HCK: variants seen among roughly 807,000 people sequenced by gnomAD.
HCK encodes HCK proto-oncogene, Src family tyrosine kinase.
A neutral mutation model predicts 70.4 loss-of-function variants in HCK; 40 were observed. That is an observed-to-expected ratio of 0.57 (90% confidence interval 0.44 to 0.74). HCK has a LOEUF of 0.74. Ranked by LOEUF, HCK falls within the 30% of genes least tolerant of loss-of-function variation. HCK has a pLI of 0.00. For synonymous variants in HCK, 245 were observed against 263.2 expected, an observed-to-expected ratio of 0.93 and a Z score of 0.67; for missense variants, 568 against 697.2, an observed-to-expected ratio of 0.81 and a Z score of 2.09.
chr20:32,062,448 G>T (rs1359780435), intron 1 of HCK, among the ~76,000 whole-genome samples: 2 of 152,178 alleles, frequency 1.3e-5, no homozygotes, highest in Non-Finnish European at 2.9e-5. Flanking sequence ...AACATGCTAT[G>T]AGTTTTATAT....
At chr20:32,058,380 A>AAATT (rs1436993265) in intron 1 of HCK, among the ~76,000 whole-genome samples, 2 of 152,106 alleles carry the variant, frequency 1.3e-5, no homozygotes, top group Non-Finnish European at 2.9e-5. Flanking sequence ...AAAAATGCAA[A>AAATT]AATTAGCCGG....
chr20:32,068,115 G>A (rs538641192), intron 1 of HCK, among the ~76,000 whole-genome samples: 2 of 151,712 alleles, frequency 1.3e-5, no homozygotes, highest in Admixed American at 1.3e-4. Context: ...TGACCAACGT[G>A]GTGAAACCCT....
intron 1 of HCK, among the ~76,000 whole-genome samples, chr20:32,057,139 C>T (rs910151920): frequency 3.5e-4 from 53 of 152,232 alleles, no homozygotes; most frequent in Admixed American, 3.3e-3. Flanking sequence ...TTCAGACAAC[C>T]TCAGTGGAGC....
chr20:32,101,472 G>A lies in HCK; in HGVS notation c.1534G>A (p.Asp512Asn), dbSNP rs2046034207. Residue 512 changes from aspartate to asparagine, a missense_variant, in exon 13 of 13, where the codon GAT becomes AAT. By Grantham distance (23) the Asp-to-Asn change is conservative. Transcript: ENST00000375852. ...CTTCGAATACATCCAGAGTGTGCTGGATGACTTCTACACGGCCACAGAGAG... is the reference window on the plus strand; with the variant it reads ...CTTCGAATACATCCAGAGTGTGCTGAATGACTTCTACACGGCCACAGAGAG... 6.2e-7 allele frequency: 1 copy of A among 1,613,948 alleles called. No homozygotes were observed. Among genetic ancestry groups the A allele is most frequent in the Non-Finnish European group, 8.5e-7 (1 of 1,179,954 alleles).
At chr20:32,060,897 GGAAGAAAGGAAGGAA>G (rs11267532) in intron 1 of HCK, among the ~76,000 whole-genome samples, 82,885 of 151,590 alleles carry the variant, frequency 0.55, 24,916 homozygotes, top group East Asian at 0.71. Flanking sequence ...AGAAAAGGAA[GGAAGAAAGGAAGGAA>G]GAAGAAAGGA....
rs968047363 is a variant in HCK at position 32,052,455 on chromosome 20, G to A, written c.31G>A (p.Gly11Ser). The A allele has an allele frequency of 2.4e-6, 3 of 1,268,598 alleles. No homozygotes were observed. The highest frequency in any genetic ancestry group is 3.0e-6 in the Non-Finnish European group (3 of 998,660). The allele number at this position is 1,268,598 out of a possible 1,614,324, so 78.6% of individuals were successfully genotyped here. A position where few individuals can be genotyped will look rare whatever the true frequency, so the allele number is the denominator to read the frequency against. ...GGGGCGCTCAAGCTGCGAGGATCCG[G>A]GCTGCCCGCGAGACGAGGAGCGGGC... Residue 11 changes from glycine (G) to serine (S), a missense_variant, in exon 1 of 13, where the codon GGC becomes AGC. Physicochemically the swap from Gly to Ser is moderately conservative, Grantham distance 56 (BLOSUM62 0). Transcript: ENST00000375852.
At chr20:32,092,015 A>G (rs1302460766) in intron 10 of HCK, among the ~76,000 whole-genome samples, 1 of 151,874 alleles carries the variant, frequency 6.6e-6, no homozygotes, top group Non-Finnish European at 1.5e-5. Flanking sequence ...AGAAAAAAGC[A>G]AAGCATGGGT....
At chr20:32,061,585 G>A (rs1197389037) in intron 1 of HCK, among the ~76,000 whole-genome samples, 1 of 152,206 alleles carries the variant, frequency 6.6e-6, no homozygotes, top group Non-Finnish European at 1.5e-5. Context: ...ATGGGAGTTG[G>A]GGGGCAGAGG....
At chr20:32,069,698 C>G (rs1272021728) in intron 1 of HCK, 6 of 949,022 alleles carry the variant, frequency 6.3e-6, no homozygotes, top group Non-Finnish European at 8.8e-6. Context: ...ACAAACAAAG[C>G]AAAACCGCTC....
intron 10 of HCK, 139 bp downstream of exon 10, chr20:32,088,783 G>GT (rs2045825297): frequency 1.6e-6 from 1 of 626,088 alleles, no homozygotes; most frequent in Non-Finnish European, 2.8e-6. Flanking sequence ...ATAAAACTAT[G>GT]TTTTTTGCAT....
chr20:32,079,326 A>G (rs1370231650), intron 5 of HCK, among the ~76,000 whole-genome samples: 2 of 152,196 alleles, frequency 1.3e-5, no homozygotes. Context: ...CCCAAGAAGG[A>G]TCTTCCCCGT....
At chr20:32,083,512 C>A (rs1360748995) in intron 6 of HCK, among the ~76,000 whole-genome samples, 2 of 152,136 alleles carry the variant, frequency 1.3e-5, no homozygotes, top group Non-Finnish European at 2.9e-5. Context: ...AACAATAGAT[C>A]AGAAATAATG....
chr20:32,086,114 G>A (rs2045781927), intron 8 of HCK, among the ~76,000 whole-genome samples: 1 of 152,188 alleles, frequency 6.6e-6, no homozygotes, highest in Non-Finnish European at 1.5e-5. Context: ...CCGTCTCCTG[G>A]GTTCACACCA....
intron 6 of HCK, among the ~76,000 whole-genome samples, chr20:32,081,125 T>G (rs1238895820): frequency 6.6e-6 from 1 of 152,140 alleles, no homozygotes; most frequent in East Asian, 1.9e-4. Flanking sequence ...ACAATAGATC[T>G]TATCCACAAG....
chr20:32,072,563 T>TAAAAAAAA (rs199684278), intron 2 of HCK: 2 of 63,208 alleles, frequency 3.2e-5, no homozygotes, highest in African/African-American at 1.4e-4. Context: ...CCTGTCTCTT[T>TAAAAAAAA]AAAAAAAAAA....
At chr20:32,090,312 G>C (rs1334406493) in intron 10 of HCK, among the ~76,000 whole-genome samples, 2 of 152,164 alleles carry the variant, frequency 1.3e-5, no homozygotes, top group Non-Finnish European at 2.9e-5. Context: ...CAGAAGCAGA[G>C]GTAGATTCAG....
chr20:32,095,151 C>T (rs573165734), intron 11 of HCK, among the ~76,000 whole-genome samples: 12 of 152,310 alleles, frequency 7.9e-5, no homozygotes, highest in African/African-American at 2.2e-4. Context: ...TGAAGTACTA[C>T]GCCAGGCTAG....
chr20:32,078,928 G>A (rs2045669512), intron 5 of HCK, among the ~76,000 whole-genome samples: 1 of 150,204 alleles, frequency 6.7e-6, no homozygotes, highest in Admixed American at 6.6e-5. Context: ...TGGGTGGATA[G>A]CAAGATAGAT....
At chr20:32,073,627 C>T (rs1040587039) in intron 3 of HCK, 89 bp from the exon 4 acceptor site, 11 of 833,724 alleles carry the variant, frequency 1.3e-5, no homozygotes, top group African/African-American at 3.4e-5. Context: ...TCGATGGGTG[C>T]GGAGCTGTTC....
Sources: gnomAD v4.1 joint callset for allele counts (sites outside exome capture counted in the v4.1 genomes callset) on GRCh38, gnomAD v4.1.1 for gene constraint, MANE v1.5 for transcripts, NCBI Gene and HGNC (gene_info 2026-07-23, HGNC 2026-07-21) for gene names.